Variants in ME3 observed in about 807,000 individuals in gnomAD.
The protein encoded by ME3 is NADP-dependent malic enzyme, mitochondrial.
Under a neutral mutation model 68.9 loss-of-function variants are expected in ME3, and 48 were observed. The observed-to-expected ratio is 0.70, with a 90% CI of 0.55 to 0.89. The LOEUF (loss-of-function observed/expected upper bound fraction) is 0.89, where lower values mean the gene tolerates loss of function less well. Among genes scored for constraint, ME3 ranks in the 40% least tolerant of loss-of-function variants. The pLI, the probability that ME3 is intolerant of heterozygous loss-of-function variation, is 0.00. For synonymous variants in ME3, 320 were observed against 318.8 expected, an observed-to-expected ratio of 1.00 and a Z score of -0.04; for missense variants, 675 against 797.4, an observed-to-expected ratio of 0.85 and a Z score of 1.85.
chr11:86,456,696 A>G (rs886164116), intron 8 of ME3, among the ~76,000 whole-genome samples: 1 of 152,208 alleles, frequency 6.6e-6, no homozygotes, highest in African/African-American at 2.4e-5. Flanking sequence ...GTAGATGTCA[A>G]CATTCAGCTG....
At chr11:86,645,137 T>C (rs1416915247) in intron 2 of ME3, among the ~76,000 whole-genome samples, 1 of 152,110 alleles carries the variant, frequency 6.6e-6, no homozygotes, top group Non-Finnish European at 1.5e-5. Flanking sequence ...CAGGCAGCCT[T>C]TTGGGCAGAC....
intron 4 of ME3, among the ~76,000 whole-genome samples, chr11:86,527,621 C>G (rs1397687472): frequency 6.6e-6 from 1 of 152,090 alleles, no homozygotes; most frequent in Non-Finnish European, 1.5e-5. Context: ...GTTGGGTTAC[C>G]CACAAAGGGA....
chr11:86,606,736 G>A (rs1961716960), intron 2 of ME3, among the ~76,000 whole-genome samples: 1 of 152,226 alleles, frequency 6.6e-6, no homozygotes, highest in Non-Finnish European at 1.5e-5. Context: ...AGGAATTTCA[G>A]TGGAGGGATG....
chr11:86,651,408 C>A (rs535037152), intron 2 of ME3, among the ~76,000 whole-genome samples: 1 of 152,140 alleles, frequency 6.6e-6, no homozygotes, highest in African/African-American at 2.4e-5. Flanking sequence ...TCCAGAGGAA[C>A]GATCAGGCAG....
intron 7 of ME3, among the ~76,000 whole-genome samples, chr11:86,470,528 C>T (rs1320691187): frequency 6.6e-6 from 1 of 152,156 alleles, no homozygotes; most frequent in Non-Finnish European, 1.5e-5. Context: ...ATTTGGAAAA[C>T]TCTGTGTGTT....
chr11:86,463,244 C>T lies in ME3; in HGVS notation c.919+1847G>A, dbSNP rs116217691. ...GCTGGAGGCTGTGCACCAGGTGTGC[C>T]GCCTGCATGGACTTGTTTTCCACTT... is the stretch of plus-strand genomic sequence containing the variant. On this transcript the variant is annotated intron_variant, in intron 8 of 14. Coordinates refer to ENST00000543262, the Ensembl canonical transcript of ME3. Among the ~76,000 whole-genome samples, 658 of 152,264 alleles carry T rather than the reference C, an allele frequency of 4.3e-3. 4 individuals carry two copies. Among genetic ancestry groups the T allele is most frequent in the African/African-American group, 0.014 (593 of 41,538 alleles).
At chr11:86,448,395 T>G in intron 10 of ME3, 140 bp from the exon 11 acceptor site, 1 of 643,540 alleles carries the variant, frequency 1.6e-6, no homozygotes, top group Non-Finnish European at 2.8e-6. Flanking sequence ...GGGGCCCATC[T>G]TCTTGACTAC....
At chr11:86,657,514 A>T (rs1945981519) in intron 2 of ME3, among the ~76,000 whole-genome samples, 1 of 152,136 alleles carries the variant, frequency 6.6e-6, no homozygotes, top group Admixed American at 6.5e-5. Context: ...AGAAATAGCT[A>T]ATGTAAATGA....
chr11:86,650,377 C>A (rs1945320364), intron 2 of ME3, among the ~76,000 whole-genome samples: 2 of 152,270 alleles, frequency 1.3e-5, no homozygotes, highest in African/African-American at 4.8e-5. Flanking sequence ...CTAGGCAATA[C>A]CATTCAGTAC....
rs78303988 is a variant in ME3 at position 86,608,742 on chromosome 11, G to C, written c.184-48919C>G. Among the ~76,000 whole-genome samples, 728 of 152,270 alleles carry C rather than the reference G, an allele frequency of 4.8e-3. 6 individuals are homozygous for C. Among genetic ancestry groups the C allele is most frequent in the African/African-American group, 0.017 (688 of 41,554 alleles). On this transcript the variant is annotated intron_variant, in intron 2 of 14. Transcript: ENST00000543262. ...TTTACTATTCTCTAAATACAGTAAG[G>C]CTGAGATGAAATACATTGTGAATAT...
intron 2 of ME3, among the ~76,000 whole-genome samples, chr11:86,586,591 A>G (rs1958747896): frequency 1.3e-5 from 2 of 152,342 alleles, no homozygotes; most frequent in Admixed American, 1.3e-4. Flanking sequence ...AGCTGGTGCC[A>G]AAGTCCTCAA....
intron 7 of ME3, among the ~76,000 whole-genome samples, chr11:86,470,213 G>C (rs1358584267): frequency 6.6e-6 from 1 of 152,154 alleles, no homozygotes; most frequent in Non-Finnish European, 1.5e-5. Context: ...ACTGGGAAGA[G>C]AAGGTGAACT....
At chr11:86,573,064 C>T (rs888493421) in intron 2 of ME3, among the ~76,000 whole-genome samples, 11 of 107,808 alleles carry the variant, frequency 1.0e-4, no homozygotes, top group African/African-American at 1.6e-4. Flanking sequence ...GTTTGTTGGC[C>T]GCATAAATGT....
chr11:86,573,694 T>C (rs1373346906), intron 2 of ME3, among the ~76,000 whole-genome samples: 2 of 152,188 alleles, frequency 1.3e-5, no homozygotes, highest in Non-Finnish European at 2.9e-5. Context: ...AGAGACAGCA[T>C]CCTTGTCTTG....
intron 7 of ME3, among the ~76,000 whole-genome samples, chr11:86,475,898 GAGAA>G (rs1478911865): frequency 7.4e-5 from 11 of 148,856 alleles, no homozygotes; most frequent in Middle Eastern, 3.5e-3. Flanking sequence ...GAGAGAGAGA[GAGAA>G]AGAGAAAGAG....
chr11:86,505,260 G>C (rs73525733), intron 5 of ME3, among the ~76,000 whole-genome samples: 89 of 150,468 alleles, frequency 5.9e-4, no homozygotes, highest in African/African-American at 1.8e-3. Flanking sequence ...ACCTAGGGGT[G>C]GGGGGGGAGG....
intron 4 of ME3, among the ~76,000 whole-genome samples, chr11:86,533,547 G>A (rs12421147): frequency 1.3e-5 from 2 of 151,980 alleles, no homozygotes; most frequent in Non-Finnish European, 2.9e-5. Context: ...CAGCTTCACT[G>A]TTGAATTCTA....
rs147393993 is a variant in ME3, at chr11:86,561,537, G to A, written c.184-1714C>T. ...AAGCTGAACATAAGTTCATACTAAT[G>A]TCTCCAATGTGAATTCATTACCACA... is the stretch of plus-strand genomic sequence containing the variant. On this transcript the variant is annotated intron_variant, in intron 2 of 14. Coordinates refer to ENST00000543262, the Ensembl canonical transcript of ME3. Among the ~76,000 whole-genome samples, 9 of 152,272 alleles carry A rather than the reference G, an allele frequency of 5.9e-5. 1 individual carries two copies. The highest frequency in any genetic ancestry group is 1.9e-4 in the East Asian group (1 of 5,190).
chr11:86,602,353 A>T (rs1442291670), intron 2 of ME3, among the ~76,000 whole-genome samples: 3 of 151,724 alleles, frequency 2.0e-5, no homozygotes, highest in Non-Finnish European at 2.9e-5. Flanking sequence ...TCCCATTCAC[A>T]GTTGCTTCAA....
Sources: gnomAD v4.1 joint callset for allele counts (sites outside exome capture counted in the v4.1 genomes callset) on GRCh38, gnomAD v4.1.1 for gene constraint, MANE v1.5 for transcripts, NCBI Gene and HGNC (gene_info 2026-07-23, HGNC 2026-07-21) for gene names.